MOB4: variants seen among roughly 807,000 people sequenced by gnomAD.
MOB4 encodes the protein MOB family member 4, phocein.
MOB4 carries 4 observed loss-of-function variants against 32.2 expected under a neutral mutation model. That is an observed-to-expected ratio of 0.12 (90% CI 0.06 to 0.28). MOB4 has a LOEUF of 0.28. Among genes scored for constraint, MOB4 ranks in the 10% least tolerant of loss-of-function variants. The probability of loss-of-function intolerance (pLI) is 1.00; values close to 1 mark genes in which losing one functional copy is unlikely to be tolerated. For synonymous variants in MOB4, 88 were observed against 88.1 expected (o/e 1.00, Z 0.01); for missense variants, 158 against 271.2 (o/e 0.58, Z 2.93).
intron 2 of MOB4, among the ~76,000 whole-genome samples, chr2:197,529,649 G>A (rs1398788528): frequency 2.6e-5 from 4 of 152,034 alleles, no homozygotes; most frequent in African/African-American, 9.6e-5. Flanking sequence ...ACTGTGCCCG[G>A]CCTTATTTTT....
chr2:197,518,436 A>G (rs1399541781), intron 1 of MOB4, among the ~76,000 whole-genome samples: 2 of 150,768 alleles, frequency 1.3e-5, no homozygotes, highest in East Asian at 4.0e-4. Context: ...CGCCCAGCTA[A>G]TTTTTTGCAG....
In MOB4 at chr2:197,540,334, A is replaced by G; in HGVS notation, c.268-17A>G. The stretch of plus-strand genomic sequence containing the variant: ...ATTATTATTTTACATATTAAGAAAT[A>G]TAATTATTTTTAACAGAGTGAATGC... On this transcript the variant is annotated splice_polypyrimidine_tract_variant and intron_variant, in intron 4 of 7. Transcript: ENST00000323303. 6.5e-7 allele frequency: 1 copy of G among 1,529,270 alleles called. No homozygotes were observed. Among genetic ancestry groups the G allele is most frequent in the Non-Finnish European group, 8.7e-7 (1 of 1,145,978 alleles). 94.7% of individuals were successfully genotyped at this position (1,529,270 alleles called of 1,614,324 possible).
intron 3 of MOB4, among the ~76,000 whole-genome samples, chr2:197,537,796 A>T (rs990692615): frequency 6.6e-6 from 1 of 152,078 alleles, no homozygotes; most frequent in Non-Finnish European, 1.5e-5. Context: ...TTCTTGAGAC[A>T]AGAGTCTCGA....
At chr2:197,516,033 A>T, upstream of MOB4, 7 of 1,529,704 alleles carry the variant, frequency 4.6e-6, no homozygotes, top group African/African-American at 1.4e-5. Context: ...CCCCCCGCGC[A>T]GGCTGCCGTC....
chr2:197,540,576 G>C, intron 5 of MOB4, 139 bp downstream of exon 5: 1 of 803,496 alleles, frequency 1.2e-6, no homozygotes, highest in Non-Finnish European at 1.8e-6. Context: ...TTGTGAAGTT[G>C]TTACTGCAGT....
In MOB4 at chr2:197,535,602, G is replaced by C. The variant is rs751032029; in HGVS notation, c.196G>C (p.Glu66Gln). 6.2e-7 allele frequency: 1 copy of C among 1,613,100 alleles called. No individual in the cohort carries two copies. Among genetic ancestry groups the C allele is most frequent in the Non-Finnish European group, 8.5e-7 (1 of 1,179,768 alleles). ...TCTTGAACCACCTGAAGGCCAAGAT[G>C]AAGGTGTGTGGAAGTATGAACATTT... is the stretch of plus-strand genomic sequence containing the variant. The part of the protein sequence containing the change: ...KILEPPEGQD[E>Q]GVWKYEHLRQ... The change falls in exon 3 of 8, where the codon GAA becomes CAA. Residue 66 changes from glutamate (E) to glutamine (Q), a missense_variant. By Grantham distance (29) the Glu-to-Gln change is conservative. This residue lies in a region of MOB4 where 25 missense variants were observed against 70.9 expected (regional missense o/e 0.35). Transcript: ENST00000323303.
chr2:197,541,942 AT>A (rs1459705524), intron 5 of MOB4, among the ~76,000 whole-genome samples: 1 of 149,520 alleles, frequency 6.7e-6, no homozygotes, highest in Non-Finnish European at 1.5e-5. Context: ...AATAAAAAAA[AT>A]AAAAAGATTG....
intron 2 of MOB4, among the ~76,000 whole-genome samples, chr2:197,524,835 A>G (rs2106109102): frequency 6.6e-6 from 1 of 151,970 alleles, no homozygotes; most frequent in East Asian, 1.9e-4. Context: ...CAGTGGCTCA[A>G]GCATGGCAAA....
intron 5 of MOB4, among the ~76,000 whole-genome samples, chr2:197,543,619 A>G (rs1465021483): frequency 6.6e-6 from 1 of 152,264 alleles, no homozygotes; most frequent in Non-Finnish European, 1.5e-5. Context: ...GCAAAAGGAC[A>G]GATACTGTAG....
At chr2:197,537,194 A>G (rs1241693854) in intron 3 of MOB4, among the ~76,000 whole-genome samples, 1 of 152,184 alleles carries the variant, frequency 6.6e-6, no homozygotes, top group African/African-American at 2.4e-5. Context: ...GCTTTTTATA[A>G]TGCCCTTTGA....
chr2:197,530,269 C>CT (rs2086677593), intron 2 of MOB4, among the ~76,000 whole-genome samples: 1 of 148,622 alleles, frequency 6.7e-6, no homozygotes. Flanking sequence ...TGCCTGGACT[C>CT]TATTTTTATT....
At chr2:197,518,080 G>T (rs997680638) in intron 1 of MOB4, among the ~76,000 whole-genome samples, 2 of 151,790 alleles carry the variant, frequency 1.3e-5, no homozygotes, top group African/African-American at 4.8e-5. Context: ...GGCGGAGGTT[G>T]CAGTGAGCCG....
intron 1 of MOB4, among the ~76,000 whole-genome samples, chr2:197,517,985 C>CA (rs1216430372): frequency 6.6e-6 from 1 of 151,820 alleles, no homozygotes; most frequent in Non-Finnish European, 1.5e-5. Flanking sequence ...ACTAAAAATA[C>CA]AAAAAATTAG....
At chr2:197,535,984 T>C (rs777240634) in intron 3 of MOB4, among the ~76,000 whole-genome samples, 2 of 150,078 alleles carry the variant, frequency 1.3e-5, no homozygotes, top group Non-Finnish European at 3.0e-5. Context: ...ACTGTGCCTC[T>C]ACCTCTTAGG....
At chr2:197,528,521 GAGA>G (rs2086645103) in intron 2 of MOB4, among the ~76,000 whole-genome samples, 1 of 151,952 alleles carries the variant, frequency 6.6e-6, no homozygotes, top group Admixed American at 6.6e-5. Flanking sequence ...AAGAAGTCAT[GAGA>G]AGAATGGTCT....
chr2:197,544,486 G>C (rs2086956280), intron 5 of MOB4, among the ~76,000 whole-genome samples: 1 of 152,126 alleles, frequency 6.6e-6, no homozygotes, highest in Non-Finnish European at 1.5e-5. Context: ...GGGCGCGGTG[G>C]CTCACGCCTG....
At position 197,548,331 on chromosome 2, in the gene MOB4, T is replaced by C. The variant is rs1221423590; in HGVS notation, c.355-5T>C. On this transcript the variant is annotated splice_region_variant and splice_polypyrimidine_tract_variant and intron_variant, in intron 5 of 7. Coordinates refer to ENST00000323303, the MANE Select transcript of MOB4 (RefSeq NM_015387.5). ...TGATGCATTTCTATATTCTTTCTTT[T>C]GTAGTGTCCTGCTATAGACTATACT... The C allele has an allele frequency of 6.2e-7, 1 of 1,603,068 alleles. No individual in the cohort carries two copies. Among genetic ancestry groups the C allele is most frequent in the East Asian group, 2.2e-5 (1 of 44,456 alleles).
At chr2:197,515,641 G>A (rs115838115), upstream of MOB4, 692 of 165,416 alleles carry the variant, frequency 4.2e-3, 6 homozygotes, top group African/African-American at 0.016. Flanking sequence ...TTCCTTAGGT[G>A]GCTTCTGGGA....
rs867287134 is a variant in MOB4 at position 197,546,558 on chromosome 2, G to A, written c.355-1778G>A. Among the ~76,000 whole-genome samples the A allele has an allele frequency of 2.6e-5, 4 of 152,054 alleles. No individual in the cohort carries two copies. The South Asian group carries it at 8.3e-4, about 32-fold the overall frequency. On this transcript the variant is annotated intron_variant, in intron 5 of 7. Transcript: ENST00000323303. ...TACAATCATAGTGCCACCATGTCTG[G>A]CTAATTTTTCAAATTTTTTGTAGAG...
Sources: allele counts gnomAD v4.1 joint callset (sites outside exome capture counted in the v4.1 genomes callset), GRCh38; gene constraint gnomAD v4.1.1; regional missense constraint gnomAD v4.1.1; transcripts MANE v1.5; gene names NCBI Gene and HGNC (gene_info 2026-07-23, HGNC 2026-07-21).